ZFP90: variants seen among roughly 807,000 people sequenced by gnomAD.
ZFP90 encodes zinc finger protein 90 homolog.
In ZFP90, 38 loss-of-function variants were observed where a neutral mutation model predicts 60.8. That is an observed-to-expected ratio of 0.62 (90% CI 0.48 to 0.82). The LOEUF (loss-of-function observed/expected upper bound fraction) is 0.82, where lower values mean the gene tolerates loss of function less well. Ranked by LOEUF, ZFP90 falls within the 40% of genes least tolerant of loss-of-function variation. The pLI, the probability that ZFP90 is intolerant of heterozygous loss-of-function variation, is 0.00. For synonymous variants in ZFP90, 287 were observed against 264.8 expected, an observed-to-expected ratio of 1.08 and a Z score of -0.82; for missense variants, 711 against 759.1, an observed-to-expected ratio of 0.94 and a Z score of 0.74.
At chr16:68,569,257 C>A (rs982291840), downstream of ZFP90, among the ~76,000 whole-genome samples, 2 of 151,486 alleles carry the variant, frequency 1.3e-5, no homozygotes, top group East Asian at 3.9e-4. Flanking sequence ...CTGCCTCAGC[C>A]TCCTGAGTAG....
At chr16:68,559,359 G>A (rs1207336240) in intron 4 of ZFP90, among the ~76,000 whole-genome samples, 1 of 152,046 alleles carries the variant, frequency 6.6e-6, no homozygotes, top group Non-Finnish European at 1.5e-5. Context: ...TCCCCCACCA[G>A]TATGTTTTGC....
chr16:68,539,583 G>T, intron 1 of ZFP90, 104 bp downstream of exon 1: 1 of 558,538 alleles, frequency 1.8e-6, no homozygotes, highest in Non-Finnish European at 3.1e-6. Context: ...GGGGGTGTCC[G>T]GGAGGCCGCT....
chr16:68,533,723 A>AGTGCAATG (rs1487017789), exon 2 of ZFP90: 2 of 152,022 alleles, frequency 1.3e-5, no homozygotes, highest in Non-Finnish European at 2.9e-5. Flanking sequence ...CCCAGGCCGG[A>AGTGCAATG]GTGCAATGGT....
downstream of ZFP90, among the ~76,000 whole-genome samples, chr16:68,571,918 TGAG>T (rs2091570876): frequency 6.6e-6 from 1 of 152,208 alleles, no homozygotes; most frequent in African/African-American, 2.4e-5. Context: ...TTCCTGCAGA[TGAG>T]GAGCATGAGT....
chr16:68,539,837 G>A lies in ZFP90; in HGVS notation c.33+12G>A, dbSNP rs762809577. On this transcript the variant is annotated intron_variant, in intron 2 of 4. Transcript: ENST00000563169. ...CCGCCGCGCCCCAGGTGAGCAACGC[G>A]TTCCTAACCTCCTGGGCATCCCATC... 4.4e-6 allele frequency: 7 copies of A among 1,606,376 alleles called. No homozygotes were observed. The highest frequency in any genetic ancestry group is 5.9e-6 in the Non-Finnish European group (7 of 1,177,978).
At chr16:68,571,356 G>T (rs1165709676), downstream of ZFP90, among the ~76,000 whole-genome samples, 2 of 152,104 alleles carry the variant, frequency 1.3e-5, no homozygotes, top group African/African-American at 4.8e-5. Flanking sequence ...TCATTTGAAA[G>T]GCAAAAAATA....
intron 3 of ZFP90, 73 bp downstream of exon 3, chr16:68,558,197 C>T (rs1161188317): frequency 6.3e-7 from 1 of 1,589,344 alleles, no homozygotes; most frequent in Non-Finnish European, 8.6e-7. Flanking sequence ...GTGGTGGTGC[C>T]CAGAGCTTAG....
In ZFP90 at chr16:68,554,125, GTT is replaced by G. The variant is rs68155311; in HGVS notation, c.34-3860_34-3859del. 6.4e-3 allele frequency among the ~76,000 whole-genome samples: 782 copies of G among 123,010 alleles called. 4 individuals carry two copies. The highest frequency in any genetic ancestry group is 0.024 in the East Asian group (115 of 4,752). The allele number at this position is 123,010 out of a possible 152,430, so 80.7% of individuals were successfully genotyped here. A position where few individuals can be genotyped will look rare whatever the true frequency, so the allele number is the denominator to read the frequency against. ...GGGTTTATGGGTTGTGTTTTGTTTT[GTT>G]TTTTTTTTTTTTGAGATGGAGTCTC... On this transcript the variant is annotated intron_variant, in intron 2 of 4. Transcript: ENST00000563169.
At chr16:68,557,897 G>A in intron 2 of ZFP90, 101 bp from the exon 3 acceptor site, 2 of 1,499,740 alleles carry the variant, frequency 1.3e-6, no homozygotes, top group Non-Finnish European at 1.8e-6. Flanking sequence ...TCTAACAAAT[G>A]TGTGATCACC....
intron 2 of ZFP90, among the ~76,000 whole-genome samples, chr16:68,548,404 A>C (rs1229085242): frequency 1.3e-5 from 2 of 151,170 alleles, no homozygotes; most frequent in Non-Finnish European, 2.9e-5. Flanking sequence ...AGAATTTAAA[A>C]GTTTTTTGTT....
intron 2 of ZFP90, among the ~76,000 whole-genome samples, chr16:68,556,020 A>G (rs2091338176): frequency 1.3e-5 from 2 of 152,310 alleles, no homozygotes; most frequent in South Asian, 4.1e-4. Flanking sequence ...CTAACCAGGA[A>G]TTAGCTAGAT....
chr16:68,549,722 TA>T (rs1024496704), intron 2 of ZFP90, among the ~76,000 whole-genome samples: 1 of 133,450 alleles, frequency 7.5e-6, no homozygotes, highest in Admixed American at 7.5e-5. Flanking sequence ...AAAATGTAAC[TA>T]GATGGCTACG....
rs571265732 is a variant in ZFP90, at chr16:68,566,334, AAGAT to A, written c.*1642_*1645del. On this transcript the variant is annotated 3_prime_UTR_variant, in exon 5 of 5. Transcript: ENST00000563169. ...CCTTTTACACAAGAGCTGCCTCCCA[AAGAT>A]AGATAAATTTTCCCAGCCCTAAATA... 7.6e-4 allele frequency: 745 copies of A among 985,490 alleles called. 4 individuals are homozygous for A. The African/African-American group carries it at 0.012, about 16-fold the overall frequency. The allele number at this position is 985,490 out of a possible 1,614,324, so 61.0% of individuals were successfully genotyped here. A position where few individuals can be genotyped will look rare whatever the true frequency, so the allele number is the denominator to read the frequency against.
At chr16:68,541,032 A>AT (rs2152054226) in intron 2 of ZFP90, among the ~76,000 whole-genome samples, 1 of 142,270 alleles carries the variant, frequency 7.0e-6, no homozygotes, top group Non-Finnish European at 1.5e-5. Flanking sequence ...TAATTTTTGT[A>AT]TTTTTTGGTT....
Position 68,566,142 on chromosome 16 carries a change from T to A in ZFP90, c.*1444T>A. 2.0e-6 allele frequency: 2 copies of A among 985,406 alleles called. No homozygotes were observed. The highest frequency in any genetic ancestry group is 2.4e-6 in the Non-Finnish European group (2 of 829,902). 61.0% of individuals were successfully genotyped at this position (985,406 alleles called of 1,614,324 possible). ...AGCAAGACACACACACATCAATTTA[T>A]TTTAGTTGTATAATGCTTTTCTATT... On this transcript the variant is annotated 3_prime_UTR_variant, in exon 5 of 5. Transcript: ENST00000563169.
At chr16:68,541,731 T>A (rs1310318777) in intron 2 of ZFP90, among the ~76,000 whole-genome samples, 1 of 152,186 alleles carries the variant, frequency 6.6e-6, no homozygotes, top group Non-Finnish European at 1.5e-5. Flanking sequence ...CACATCATGA[T>A]CGTTATCCCC....
Position 68,566,428 on chromosome 16 carries a change from C to G in ZFP90, c.*1730C>G, listed in dbSNP as rs1293227531. The G allele has an allele frequency of 7.1e-6, 7 of 985,412 alleles. No individual in the cohort carries two copies. The highest frequency in any genetic ancestry group is 1.7e-5 in the African/African-American group (1 of 57,224). The allele number at this position is 985,412 out of a possible 1,614,324, so 61.0% of individuals were successfully genotyped here. A position where few individuals can be genotyped will look rare whatever the true frequency, so the allele number is the denominator to read the frequency against. On this transcript the variant is annotated 3_prime_UTR_variant, in exon 5 of 5. Transcript: ENST00000563169. ...CCTTTCCTACTGGATTCTTTGCATG[C>G]CACATAGCAGGATTCATTGCCTTTC...
At position 68,550,036 on chromosome 16, in the gene ZFP90, C is replaced by A. The variant is rs111636376; in HGVS notation, c.34-7962C>A. 4.6e-3 allele frequency among the ~76,000 whole-genome samples: 707 copies of A among 152,134 alleles called. 4 individuals carry two copies. Among genetic ancestry groups the A allele is most frequent in the African/African-American group, 0.016 (671 of 41,500 alleles). Reference sequence around the variant, plus strand: ...GGTGGAGACCTAGAACAATGTAGAACGGTGGTGTGCCAAAGAAATACACAT... The same window carrying A: ...GGTGGAGACCTAGAACAATGTAGAAAGGTGGTGTGCCAAAGAAATACACAT... On this transcript the variant is annotated intron_variant, in intron 2 of 4. Transcript: ENST00000563169.
downstream of ZFP90, among the ~76,000 whole-genome samples, chr16:68,569,414 C>T (rs148463599): frequency 8.1e-4 from 123 of 152,286 alleles, 1 homozygote; most frequent in East Asian, 0.018. Context: ...GGATTACAGG[C>T]GTGAGCCAGT....
Sources: allele counts gnomAD v4.1 joint callset (sites outside exome capture counted in the v4.1 genomes callset), GRCh38; gene constraint gnomAD v4.1.1; transcripts MANE v1.5; gene names NCBI Gene and HGNC (gene_info 2026-07-23, HGNC 2026-07-21).